NUCKS1: variants seen among roughly 807,000 people sequenced by gnomAD.
The protein encoded by NUCKS1 is nuclear ubiquitous casein and cyclin-dependent kinase substrate 1.
Under a neutral mutation model 33.0 loss-of-function variants are expected in NUCKS1, and 2 were observed. The observed-to-expected ratio is 0.06, with a 90% CI of 0.02 to 0.19. The LOEUF is 0.19. NUCKS1 is among the 10% of genes least tolerant of loss of function. The probability of loss-of-function intolerance (pLI) is 1.00; values close to 1 mark genes in which losing one functional copy is unlikely to be tolerated. For missense variants in NUCKS1, 201 were observed against 293.6 expected, an observed-to-expected ratio of 0.68 and a Z score of 2.31; for synonymous variants, 106 against 102.8, an observed-to-expected ratio of 1.03 and a Z score of -0.19.
intron 1 of NUCKS1, among the ~76,000 whole-genome samples, chr1:205,744,161 A>C (rs773294274): frequency 1.8e-4 from 28 of 152,226 alleles, no homozygotes; most frequent in Admixed American, 4.6e-4. Context: ...GCTCCAAAGA[A>C]GACAAAATGT....
chr1:205,737,244 G>A (rs1558054386), intron 1 of NUCKS1, among the ~76,000 whole-genome samples: 1 of 152,040 alleles, frequency 6.6e-6, no homozygotes, highest in Non-Finnish European at 1.5e-5. Flanking sequence ...GTTCCCTTTT[G>A]GACTGTTCCA....
At chr1:205,749,504 G>C (rs1185054318) in intron 1 of NUCKS1, among the ~76,000 whole-genome samples, 1 of 151,430 alleles carries the variant, frequency 6.6e-6, no homozygotes, top group African/African-American at 2.4e-5. Context: ...CGCGCCAGTC[G>C]CTGGGGGAAG....
chr1:205,745,123 T>C (rs1162083311), intron 1 of NUCKS1, among the ~76,000 whole-genome samples: 3 of 152,206 alleles, frequency 2.0e-5, no homozygotes, highest in Non-Finnish European at 4.4e-5. Context: ...TAAAATCAAA[T>C]ACTGTATATA....
chr1:205,731,122 A>G (rs1653899873), intron 1 of NUCKS1: 1 of 152,252 alleles, frequency 6.6e-6, no homozygotes, highest in Admixed American at 6.5e-5. Context: ...CTTTATTTAA[A>G]AAACTATGAA....
intron 1 of NUCKS1, among the ~76,000 whole-genome samples, chr1:205,749,242 T>C (rs1005875421): frequency 1.3e-5 from 2 of 152,198 alleles, no homozygotes; most frequent in Admixed American, 6.5e-5. Flanking sequence ...AGAGCGAACT[T>C]TGGGGTTAAC....
At position 205,749,811 on chromosome 1, in the gene NUCKS1, C is replaced by G; in HGVS notation, c.17+146G>C. The stretch of plus-strand genomic sequence containing the variant: ...CCCCGCGCGCCAGCAGGGCCCCCCA[C>G]GCTCAAGGGTGCGCGCGGGCCCCGA... On this transcript the variant is annotated intron_variant, in intron 1 of 6. Transcript: ENST00000367142. The G allele has an allele frequency of 1.0e-5, 8 of 787,778 alleles. No individual in the cohort carries two copies. The South Asian group carries it at 1.6e-4, about 16-fold the overall frequency. The allele number at this position is 787,778 out of a possible 1,614,324, so 48.8% of individuals were successfully genotyped here.
intron 4 of NUCKS1, among the ~76,000 whole-genome samples, chr1:205,721,462 C>A (rs1308911412): frequency 1.3e-5 from 2 of 152,152 alleles, no homozygotes; most frequent in East Asian, 3.8e-4. Flanking sequence ...CATTGCTTTG[C>A]TCTACAATTC....
At chr1:205,727,612 T>C (rs1435313811) in intron 3 of NUCKS1, 88 bp downstream of exon 3, 7 of 878,780 alleles carry the variant, frequency 8.0e-6, no homozygotes, top group Non-Finnish European at 1.3e-5. Flanking sequence ...CAAAAGTATA[T>C]GAGATTCCAA....
intron 1 of NUCKS1, among the ~76,000 whole-genome samples, chr1:205,739,151 A>C (rs1211125142): frequency 6.6e-6 from 1 of 152,244 alleles, no homozygotes; most frequent in Non-Finnish European, 1.5e-5. Flanking sequence ...TATGCTCAAA[A>C]GGCCAAGTAA....
intron 1 of NUCKS1, among the ~76,000 whole-genome samples, chr1:205,735,902 CTT>C (rs1654022231): frequency 6.6e-6 from 1 of 151,070 alleles, no homozygotes; most frequent in African/African-American, 2.4e-5. Flanking sequence ...GAAAGATTGT[CTT>C]TGTTTTCTTG....
At chr1:205,748,979 T>C (rs879308104) in intron 1 of NUCKS1, among the ~76,000 whole-genome samples, 3 of 152,168 alleles carry the variant, frequency 2.0e-5, no homozygotes, top group Non-Finnish European at 4.4e-5. Flanking sequence ...GAGAATGGCA[T>C]AGGACGATTC....
chr1:205,725,501 T>C (rs1653735574), intron 3 of NUCKS1, among the ~76,000 whole-genome samples: 1 of 152,224 alleles, frequency 6.6e-6, no homozygotes, highest in South Asian at 2.1e-4. Flanking sequence ...CCTGTGACTG[T>C]TCTGTATAAA....
intron 1 of NUCKS1, among the ~76,000 whole-genome samples, chr1:205,738,057 G>A (rs955915584): frequency 6.6e-6 from 1 of 152,098 alleles, no homozygotes; most frequent in Non-Finnish European, 1.5e-5. Context: ...ACGGAGTCTC[G>A]CTTTGTTTCC....
At chr1:205,731,864 C>A (rs1434884844) in intron 1 of NUCKS1, among the ~76,000 whole-genome samples, 2 of 151,320 alleles carry the variant, frequency 1.3e-5, no homozygotes, top group Non-Finnish European at 2.9e-5. Context: ...CCACTGCACT[C>A]CAGCCTGGGC....
At chr1:205,734,006 C>T (rs1290899626) in intron 1 of NUCKS1, among the ~76,000 whole-genome samples, 1 of 152,076 alleles carries the variant, frequency 6.6e-6, no homozygotes, top group Non-Finnish European at 1.5e-5. Flanking sequence ...TGTGGAACTA[C>T]AGAAAGGCAC....
At chr1:205,748,673 T>C (rs1025970528) in intron 1 of NUCKS1, among the ~76,000 whole-genome samples, 5 of 152,200 alleles carry the variant, frequency 3.3e-5, no homozygotes, top group Non-Finnish European at 5.9e-5. Context: ...GAGGATGATC[T>C]AGTCTGGAGA....
At chr1:205,725,449 T>C (rs756297605) in intron 3 of NUCKS1, among the ~76,000 whole-genome samples, 2 of 152,230 alleles carry the variant, frequency 1.3e-5, no homozygotes, top group African/African-American at 4.8e-5. Flanking sequence ...ACATATTCCT[T>C]TACTAAGCAA....
chr1:205,722,078 A>C (rs1199232683), intron 4 of NUCKS1, among the ~76,000 whole-genome samples: 1 of 151,982 alleles, frequency 6.6e-6, no homozygotes, highest in Non-Finnish European at 1.5e-5. Flanking sequence ...AATGAAAAAA[A>C]AATTTTTTTT....
Position 205,740,821 on chromosome 1 carries a change from G to GTATA in NUCKS1, c.17+9132_17+9135dup, listed in dbSNP as rs10535162. Among the ~76,000 whole-genome samples the GTATA allele has an allele frequency of 3.0e-3, 429 of 145,286 alleles. 3 individuals carry two copies. The highest frequency in any genetic ancestry group is 0.01 in the African/African-American group (396 of 39,536). On this transcript the variant is annotated intron_variant, in intron 1 of 6. Coordinates refer to ENST00000367142, the MANE Select transcript of NUCKS1 (RefSeq NM_022731.5). ...TTACTAGATCACAATCTCCTACTAA[G>GTATA]TATATATATATATATATACTTAGTA...
Sources: gnomAD v4.1 joint callset for allele counts (sites outside exome capture counted in the v4.1 genomes callset) on GRCh38, gnomAD v4.1.1 for gene constraint, MANE v1.5 for transcripts, NCBI Gene and HGNC (gene_info 2026-07-23, HGNC 2026-07-21) for gene names.